The following TRPV4 variants were observed in gnomAD, a reference collection of about 807,000 sequenced individuals.
The protein encoded by TRPV4 is transient receptor potential cation channel subfamily V member 4, also known as OSM9-like transient receptor potential channel 4.
TRPV4 carries 58 observed loss-of-function variants against 84.1 expected under a neutral mutation model. The ratio of observed to expected loss-of-function variants is 0.69; its 90% CI spans 0.56 to 0.86. The LOEUF (loss-of-function observed/expected upper bound fraction) is 0.86, where lower values mean the gene tolerates loss of function less well. TRPV4 is among the 40% of genes least tolerant of loss of function. The pLI is 0.00. For synonymous variants in TRPV4, 489 were observed against 500.9 expected (o/e 0.98, Z 0.32); for missense variants, 879 against 1,181.1 (o/e 0.74, Z 3.75).
At chr12:109,820,940 T>C (rs989250225) in intron 1 of TRPV4, among the ~76,000 whole-genome samples, 2 of 152,182 alleles carry the variant, frequency 1.3e-5, no homozygotes, top group Admixed American at 1.3e-4. Flanking sequence ...AGATGGCTTC[T>C]CTCTGAGAAT....
At chr12:109,816,131 C>A (rs1368458031) in intron 1 of TRPV4, among the ~76,000 whole-genome samples, 1 of 152,234 alleles carries the variant, frequency 6.6e-6, no homozygotes, top group Non-Finnish European at 1.5e-5. Flanking sequence ...TAGTTCCCAC[C>A]TTGTTTGTTC....
chr12:109,817,262 T>C (rs558671007), intron 1 of TRPV4, among the ~76,000 whole-genome samples: 19 of 152,200 alleles, frequency 1.2e-4, no homozygotes, highest in African/African-American at 4.6e-4. Flanking sequence ...CTCCTGGGCA[T>C]GGCCCTGTCC....
rs2136480490 is a variant in TRPV4 at position 109,794,019 on chromosome 12, GCGGC to G, written c.1492-1_1494del. ...TCCACCGTGGTGCGGTAAGGGTACG[GCGGC>G]TGGGGAGCAGCAAGGGCACACAGGT... On this transcript the variant is annotated splice_acceptor_variant and coding_sequence_variant, in exon 9 of 16. Transcript: ENST00000261740. LOFTEE classifies it high-confidence loss of function. The G allele has an allele frequency of 5.6e-6, 9 of 1,602,754 alleles. No homozygotes were observed. The highest frequency in any genetic ancestry group is 7.7e-6 in the Non-Finnish European group (9 of 1,176,382).
At position 109,794,501 on chromosome 12, in the gene TRPV4, G is replaced by C; in HGVS notation, c.1333-14C>G. The C allele has an allele frequency of 6.2e-7, 1 of 1,613,638 alleles. No homozygotes were observed. ...CTCGTGGCGGTTCTAAGAGAGGCAG[G>C]GTGGTCGGGGGCTGCCTTCCTGAGA... On this transcript the variant is annotated splice_polypyrimidine_tract_variant and intron_variant, in intron 7 of 15. Transcript: ENST00000261740.
chr12:109,809,217 C>G (rs1392741762), intron 2 of TRPV4, among the ~76,000 whole-genome samples: 2 of 149,852 alleles, frequency 1.3e-5, no homozygotes, highest in Non-Finnish European at 3.0e-5. Context: ...CATCACTCAT[C>G]CATCCATCTA....
At chr12:109,801,557 CTG>C (rs1325036902) in intron 4 of TRPV4, among the ~76,000 whole-genome samples, 1 of 152,222 alleles carries the variant, frequency 6.6e-6, no homozygotes, top group Non-Finnish European at 1.5e-5. Context: ...CCCTGCGGAA[CTG>C]TGAGTCAATT....
rs1437067542 is a variant in TRPV4 at position 109,814,294 on chromosome 12, CAGAT to C, written c.386+113_386+116del. The C allele has an allele frequency of 3.0e-5, 36 of 1,187,250 alleles. 1 individual carries two copies. The East Asian group carries it at 5.3e-4, about 18-fold the overall frequency. 73.5% of individuals were successfully genotyped at this position (1,187,250 alleles called of 1,614,324 possible). A position where few individuals can be genotyped will look rare whatever the true frequency, so the allele number is the denominator to read the frequency against. ...ATAGATGTATGGATGGTTGGATGGA[CAGAT>C]GGATGGATGGATGAATCGACGGATG... On this transcript the variant is annotated intron_variant, in intron 2 of 15. Transcript: ENST00000261740. This position sits in a 1 kb window ranked among gnomAD's most constrained non-coding sequence, Gnocchi z 5.4.
chr12:109,813,688 G>C (rs1334097436), intron 2 of TRPV4, among the ~76,000 whole-genome samples: 1 of 152,078 alleles, frequency 6.6e-6, no homozygotes, highest in African/African-American at 2.4e-5. Flanking sequence ...ATAGATGGAT[G>C]ATGAATAGAT....
rs576614380 is a variant in TRPV4 at position 109,791,726 on chromosome 12, T to C, written c.1891+637A>G. Among the ~76,000 whole-genome samples, 45 of 151,712 alleles carry C rather than the reference T, an allele frequency of 3.0e-4. No individual in the cohort carries two copies. In the South Asian group the frequency reaches 9.0e-3, roughly 30 times the overall value. On this transcript the variant is annotated intron_variant, in intron 12 of 15. Coordinates refer to ENST00000261740, the MANE Select transcript of TRPV4 (RefSeq NM_021625.5). ...CTCAAACTCCTGACCTCAAGTGATC[T>C]ACCCGCCTCAGCCTCCTGAAGTGCT...
intron 2 of TRPV4, among the ~76,000 whole-genome samples, chr12:109,810,357 G>T (rs777419007): frequency 3.9e-5 from 6 of 152,180 alleles, no homozygotes; most frequent in African/African-American, 1.2e-4. Context: ...GAGAGTAGGG[G>T]AACAGAGAAA....
rs867102709 is a variant in TRPV4, at chr12:109,820,989, C to G, written c.-31-6162G>C. On this transcript the variant is annotated intron_variant, in intron 1 of 15. Coordinates refer to ENST00000261740, the MANE Select transcript of TRPV4 (RefSeq NM_021625.5). The stretch of plus-strand genomic sequence containing the variant: ...GCGGTGGAGGTCTCTGGCTCCGTCC[C>G]CATGCCCCAACTTGCGGAGGGTGGA... Among the ~76,000 whole-genome samples the G allele has an allele frequency of 6.6e-5, 10 of 152,328 alleles. 1 individual carries two copies. The Middle Eastern group carries it at 0.027, about 414-fold the overall frequency.
At chr12:109,808,957 A>G (rs1891323206) in intron 2 of TRPV4, among the ~76,000 whole-genome samples, 1 of 149,378 alleles carries the variant, frequency 6.7e-6, no homozygotes. Flanking sequence ...TCATTCATCC[A>G]TCCATCCATC....
intron 3 of TRPV4, among the ~76,000 whole-genome samples, chr12:109,805,432 G>A (rs539503807): frequency 2.6e-5 from 4 of 152,320 alleles, no homozygotes; most frequent in Admixed American, 6.5e-5. Context: ...CAGAGATGAG[G>A]TGGAACATGC....
At chr12:109,800,198 T>A (rs1255168590) in intron 5 of TRPV4, among the ~76,000 whole-genome samples, 1 of 151,888 alleles carries the variant, frequency 6.6e-6, no homozygotes, top group Non-Finnish European at 1.5e-5. Flanking sequence ...ACCTGCCTCA[T>A]CCTCCCAAAG....
chr12:109,823,435 C>T (rs988581477), intron 1 of TRPV4, among the ~76,000 whole-genome samples: 1 of 152,238 alleles, frequency 6.6e-6, no homozygotes, highest in Non-Finnish European at 1.5e-5. Context: ...TGACAGCACA[C>T]ACAGATGCCC....
intron 1 of TRPV4, among the ~76,000 whole-genome samples, chr12:109,824,157 G>T (rs1892187227): frequency 6.6e-6 from 1 of 151,996 alleles, no homozygotes; most frequent in African/African-American, 2.4e-5. Flanking sequence ...TAGAGACGGG[G>T]TTTCACCATG....
intron 1 of TRPV4, among the ~76,000 whole-genome samples, chr12:109,828,620 C>T (rs531037687): frequency 1.3e-5 from 2 of 152,224 alleles, no homozygotes; most frequent in Non-Finnish European, 2.9e-5. Flanking sequence ...AGAGCAGCAA[C>T]TGGCGGAGCT....
At chr12:109,800,487 G>T in intron 5 of TRPV4, 131 bp downstream of exon 5, 2 of 1,200,996 alleles carry the variant, frequency 1.7e-6, no homozygotes, top group Non-Finnish European at 1.2e-6. Flanking sequence ...CCAGAGTGCT[G>T]CCTGCGCTCA....
chr12:109,831,456 C>G (rs973244829), intron 1 of TRPV4, among the ~76,000 whole-genome samples: 5 of 152,246 alleles, frequency 3.3e-5, no homozygotes, highest in African/African-American at 1.2e-4. Context: ...GAGCTCCTCC[C>G]CGGGGGGCCA....
Sources: gnomAD v4.1 joint callset for allele counts (sites outside exome capture counted in the v4.1 genomes callset) on GRCh38, gnomAD v4.1.1 for gene constraint, Gnocchi (gnomAD v3.1) non-coding constraint, MANE v1.5 for transcripts, NCBI Gene and HGNC (gene_info 2026-07-23, HGNC 2026-07-21) for gene names.